The following ROBO2 variants were observed in gnomAD, a reference collection of about 807,000 sequenced individuals.
The protein encoded by ROBO2 is roundabout homolog 2.
In ROBO2, 53 loss-of-function variants were observed where a neutral mutation model predicts 160.8. The observed-to-expected ratio is 0.33, with a 90% confidence interval of 0.26 to 0.41. The LOEUF is 0.41. Among genes scored for constraint, ROBO2 ranks in the 10% least tolerant of loss-of-function variants. The pLI is 1.00. For missense variants in ROBO2, 1,577 were observed against 1,722.4 expected, an observed-to-expected ratio of 0.92 and a Z score of 1.49; for synonymous variants, 664 against 611.7, an observed-to-expected ratio of 1.09 and a Z score of -1.26.
intron 2 of ROBO2, among the ~76,000 whole-genome samples, chr3:76,250,660 CTG>C (rs1705936677): frequency 6.6e-6 from 1 of 152,024 alleles, no homozygotes; most frequent in Non-Finnish European, 1.5e-5. Flanking sequence ...TAGGAATGCT[CTG>C]AGAATAAAAT....
intron 2 of ROBO2, among the ~76,000 whole-genome samples, chr3:76,485,279 C>T (rs1169994111): frequency 4.6e-5 from 7 of 151,964 alleles, no homozygotes; most frequent in Non-Finnish European, 8.8e-5. Flanking sequence ...TCATCAGGCA[C>T]TAGATTCTCA....
At chr3:76,230,710 A>G (rs1454441101) in intron 2 of ROBO2, among the ~76,000 whole-genome samples, 3 of 51,218 alleles carry the variant, frequency 5.9e-5, no homozygotes, top group Non-Finnish European at 1.4e-4. Context: ...TCTCCTTCTC[A>G]CACTGTTTTG....
chr3:77,085,073 A>G (rs905880753), intron 1 of ROBO2, among the ~76,000 whole-genome samples: 2 of 152,240 alleles, frequency 1.3e-5, no homozygotes, highest in Admixed American at 1.3e-4. Flanking sequence ...AAGAGAAAGT[A>G]GATCCCCAAA....
At chr3:77,061,295 C>T (rs977095973) in intron 1 of ROBO2, among the ~76,000 whole-genome samples, 1 of 152,122 alleles carries the variant, frequency 6.6e-6, no homozygotes, top group Non-Finnish European at 1.5e-5. Flanking sequence ...GCTATAATTG[C>T]AAGGCCATTA....
At chr3:77,084,730 T>C (rs1423067849) in intron 1 of ROBO2, among the ~76,000 whole-genome samples, 1 of 152,096 alleles carries the variant, frequency 6.6e-6, no homozygotes, top group Non-Finnish European at 1.5e-5. Context: ...CCATAACTTT[T>C]CTCTAAGCTG....
At chr3:76,446,698 G>T (rs2077200815) in intron 2 of ROBO2, among the ~76,000 whole-genome samples, 1 of 152,090 alleles carries the variant, frequency 6.6e-6, no homozygotes, top group Non-Finnish European at 1.5e-5. Context: ...CAGAGATATA[G>T]ACCAATGGAA....
chr3:76,188,795 G>C (rs1471927868), intron 2 of ROBO2, among the ~76,000 whole-genome samples: 1 of 152,012 alleles, frequency 6.6e-6, no homozygotes, highest in Non-Finnish European at 1.5e-5. Context: ...AGCTTTCCAT[G>C]TTCACACTCA....
At chr3:77,621,695 G>A (rs1005209271) in intron 22 of ROBO2, among the ~76,000 whole-genome samples, 1 of 152,076 alleles carries the variant, frequency 6.6e-6, no homozygotes. Flanking sequence ...AGTGGAAATA[G>A]CCTTCCAGCC....
intron 2 of ROBO2, among the ~76,000 whole-genome samples, chr3:76,694,201 T>C (rs1259469315): frequency 6.6e-6 from 1 of 152,202 alleles, no homozygotes. Flanking sequence ...TACTACTGAA[T>C]GTTAGCATGA....
chr3:76,933,229 G>T (rs2077470055), intron 2 of ROBO2, among the ~76,000 whole-genome samples: 1 of 152,072 alleles, frequency 6.6e-6, no homozygotes, highest in Non-Finnish European at 1.5e-5. Context: ...TCTAAATGGA[G>T]AATATTTAGT....
chr3:76,045,531 G>A (rs942636813), intron 2 of ROBO2, among the ~76,000 whole-genome samples: 3 of 151,990 alleles, frequency 2.0e-5, no homozygotes, highest in African/African-American at 4.8e-5. Context: ...AATAAGTAAT[G>A]CCAAAATAAA....
intron 2 of ROBO2, among the ~76,000 whole-genome samples, chr3:76,499,929 A>C (rs2080368340): frequency 6.6e-6 from 1 of 152,100 alleles, no homozygotes; most frequent in South Asian, 2.1e-4. Flanking sequence ...GCAAATTACT[A>C]GACCTTATCA....
chr3:77,209,875 G>T (rs896738912), intron 2 of ROBO2, among the ~76,000 whole-genome samples: 4 of 152,230 alleles, frequency 2.6e-5, no homozygotes, highest in Admixed American at 6.5e-5. Flanking sequence ...CCAGAGTGGG[G>T]TCTGGACAGA....
intron 2 of ROBO2, among the ~76,000 whole-genome samples, chr3:76,761,134 C>T (rs989114262): frequency 3.3e-5 from 5 of 151,676 alleles, no homozygotes; most frequent in African/African-American, 1.2e-4. Flanking sequence ...CCAGATCACT[C>T]TTAACTAGGG....
chr3:76,095,160 G>T (rs1408010355), intron 2 of ROBO2, among the ~76,000 whole-genome samples: 1 of 151,846 alleles, frequency 6.6e-6, no homozygotes, highest in Non-Finnish European at 1.5e-5. Flanking sequence ...AGAATGAGAA[G>T]ATAATATGGT....
At chr3:76,782,974 C>T (rs1367571568) in intron 2 of ROBO2, among the ~76,000 whole-genome samples, 1 of 150,198 alleles carries the variant, frequency 6.7e-6, no homozygotes, top group Non-Finnish European at 1.5e-5. Flanking sequence ...TCTTGCTCTC[C>T]TTCTTGGTGA....
At chr3:77,111,115 C>T (rs1560032473) in intron 2 of ROBO2, among the ~76,000 whole-genome samples, 1 of 151,958 alleles carries the variant, frequency 6.6e-6, no homozygotes, top group Non-Finnish European at 1.5e-5. Context: ...AAAATTAAAA[C>T]TTTAATTCTT....
intron 2 of ROBO2, among the ~76,000 whole-genome samples, chr3:76,866,114 A>G (rs1334648110): frequency 6.6e-6 from 1 of 152,128 alleles, no homozygotes; most frequent in Non-Finnish European, 1.5e-5. Context: ...TATCAAAGAA[A>G]GAGAAGTTCA....
intron 2 of ROBO2, among the ~76,000 whole-genome samples, chr3:76,408,882 C>G (rs1046794592): frequency 6.6e-6 from 1 of 151,894 alleles, no homozygotes; most frequent in Non-Finnish European, 1.5e-5. Flanking sequence ...GGCCCTCTTC[C>G]CCTTGCCCAC....
Sources: allele counts gnomAD v4.1 joint callset (sites outside exome capture counted in the v4.1 genomes callset), GRCh38; gene constraint gnomAD v4.1.1; transcripts MANE v1.5; gene names NCBI Gene and HGNC (gene_info 2026-07-23, HGNC 2026-07-21).